The following ACSF3 variants were observed in gnomAD, a reference collection of about 807,000 sequenced individuals.
ACSF3 encodes the protein acyl-CoA synthetase family member 3.
Under a neutral mutation model 53.2 loss-of-function variants are expected in ACSF3, and 78 were observed. The ratio of observed to expected loss-of-function variants is 1.47; its 90% CI spans 1.22 to 1.77. The LOEUF is 1.77. Among genes scored for constraint, ACSF3 ranks in the 40% most tolerant of loss-of-function variants. ACSF3 has a pLI of 0.00. For missense variants in ACSF3, 937 were observed against 771.1 expected (o/e 1.22, Z -2.55); for synonymous variants, 414 against 333.1 (o/e 1.24, Z -2.65).
chr16:89,111,827 A>G (rs1381829033), intron 4 of ACSF3, among the ~76,000 whole-genome samples: 4 of 151,978 alleles, frequency 2.6e-5, no homozygotes, highest in African/African-American at 9.7e-5. Flanking sequence ...GAGCCTGACC[A>G]CTCACGTCTC....
intron 10 of ACSF3, among the ~76,000 whole-genome samples, chr16:89,147,392 T>C (rs1298232476): frequency 3.6e-3 from 11 of 3,066 alleles, no homozygotes; most frequent in Admixed American, 0.014. Flanking sequence ...GAGGGAGGGG[T>C]CACAGAGTGA....
intron 7 of ACSF3, among the ~76,000 whole-genome samples, chr16:89,124,332 G>A (rs867416763): frequency 6.6e-6 from 1 of 152,094 alleles, no homozygotes; most frequent in African/African-American, 2.4e-5. Context: ...AGACCCGTTT[G>A]CACACTACAT....
intron 4 of ACSF3, among the ~76,000 whole-genome samples, chr16:89,111,259 T>A (rs1443201388): frequency 6.6e-6 from 1 of 152,254 alleles, no homozygotes; most frequent in Non-Finnish European, 1.5e-5. Context: ...TTTGAAAGAA[T>A]GATATTATTT....
At position 89,132,496 on chromosome 16, in the gene ACSF3, G is replaced by T. The variant is rs191066788; in HGVS notation, c.1240-640G>T. 1.9e-3 allele frequency among the ~76,000 whole-genome samples: 289 copies of T among 152,260 alleles called. 1 individual carries two copies. Among genetic ancestry groups the T allele is most frequent in the African/African-American group, 6.7e-3 (279 of 41,556 alleles). ...CAGCCTCCCTCCCGCCCTCTCCATGGTCACAATAGAAGAACAGTGAGGCTG... is the reference window on the plus strand; with the variant it reads ...CAGCCTCCCTCCCGCCCTCTCCATGTTCACAATAGAAGAACAGTGAGGCTG... On this transcript the variant is annotated intron_variant, in intron 7 of 10. Transcript: ENST00000614302.
chr16:89,143,197 C>T (rs1459869711), intron 8 of ACSF3, among the ~76,000 whole-genome samples: 2 of 151,898 alleles, frequency 1.3e-5, no homozygotes, highest in African/African-American at 2.4e-5. Flanking sequence ...TCCTCAGTGC[C>T]GTGCGTAGCT....
intron 6 of ACSF3, among the ~76,000 whole-genome samples, chr16:89,119,010 G>T (rs1284650696): frequency 3.3e-5 from 5 of 151,898 alleles, no homozygotes; most frequent in Admixed American, 6.5e-5. Context: ...CCTCCCTCGA[G>T]CTCTCACGGG....
At chr16:89,128,252 T>A (rs892255351) in intron 7 of ACSF3, among the ~76,000 whole-genome samples, 3 of 149,642 alleles carry the variant, frequency 2.0e-5, no homozygotes, top group Non-Finnish European at 4.4e-5. Flanking sequence ...TATATATATT[T>A]TTTTCTTTTT....
At chr16:89,097,249 C>T (rs1974734586) in intron 1 of ACSF3, among the ~76,000 whole-genome samples, 1 of 152,262 alleles carries the variant, frequency 6.6e-6, no homozygotes, top group Non-Finnish European at 1.5e-5. Context: ...TTGTGGTCTG[C>T]AGAAACCTTT....
chr16:89,155,611 C>T lies in ACSF3; in HGVS notation c.*1404C>T, dbSNP rs1023629100. ...CGGGAACAGTCAGAGGAAGGGGTCC[C>T]GCCCTCCCGCCAGAGGCCTGGACCC... On this transcript the variant is annotated 3_prime_UTR_variant, in exon 11 of 11. Coordinates refer to ENST00000614302, the MANE Select transcript of ACSF3 (RefSeq NM_001243279.3). 7 of 453,980 alleles carry T rather than the reference C, an allele frequency of 1.5e-5. No homozygotes were observed. The highest frequency in any genetic ancestry group is 6.9e-5 in the East Asian group (1 of 14,394). 28.1% of individuals were successfully genotyped at this position (453,980 alleles called of 1,614,324 possible).
intron 10 of ACSF3, among the ~76,000 whole-genome samples, chr16:89,146,734 A>G (rs1913036171): frequency 6.6e-6 from 1 of 151,824 alleles, no homozygotes; most frequent in Non-Finnish European, 1.5e-5. Context: ...TTTTGCCTTT[A>G]CCTTACCCAG....
At chr16:89,110,470 G>A (rs8044701) in intron 4 of ACSF3, among the ~76,000 whole-genome samples, 109,261 of 152,070 alleles carry the variant, frequency 0.72, 39,787 homozygotes, top group Admixed American at 0.79. Flanking sequence ...CCAGATATCT[G>A]TGCATTCGTT....
intron 6 of ACSF3, among the ~76,000 whole-genome samples, chr16:89,115,891 C>T (rs893594688): frequency 1.3e-5 from 2 of 152,160 alleles, no homozygotes; most frequent in Non-Finnish European, 2.9e-5. Context: ...ATTCGGGACC[C>T]AAGTGTCAGC....
chr16:89,103,799 C>T (rs959629074), intron 4 of ACSF3, among the ~76,000 whole-genome samples: 5 of 152,196 alleles, frequency 3.3e-5, no homozygotes, highest in Non-Finnish European at 5.9e-5. Context: ...TCCTCTGTAG[C>T]GTCTCCCTTG....
At chr16:89,136,626 A>G in intron 8 of ACSF3, 1 of 1,287,220 alleles carries the variant, frequency 7.8e-7, no homozygotes, top group Non-Finnish European at 1.0e-6. Flanking sequence ...ACAGCTGAGG[A>G]TGGCCGAGGC....
rs550756859 is a variant in ACSF3, at chr16:89,098,847, G to A, written c.-21+84G>A. ...TGTTTACTGAACAGAGTGTGGTTGA[G>A]GCAAAATGCTGAGATGAAACCTAAC... On this transcript the variant is annotated intron_variant, in intron 2 of 10. Transcript: ENST00000614302. 59 of 448,532 alleles carry A rather than the reference G, an allele frequency of 1.3e-4. No homozygotes were observed. The Middle Eastern group carries it at 2.1e-3, about 16-fold the overall frequency. 27.8% of individuals were successfully genotyped at this position (448,532 alleles called of 1,614,324 possible). A position where few individuals can be genotyped will look rare whatever the true frequency, so the allele number is the denominator to read the frequency against.
intron 7 of ACSF3, among the ~76,000 whole-genome samples, chr16:89,131,926 G>T (rs559972089): frequency 2.6e-5 from 4 of 152,266 alleles, no homozygotes; most frequent in African/African-American, 4.8e-5. Flanking sequence ...TTTCACCCCC[G>T]TGGGTGGCGT....
chr16:89,110,887 C>T (rs1976601702), intron 4 of ACSF3, among the ~76,000 whole-genome samples: 1 of 152,180 alleles, frequency 6.6e-6, no homozygotes. Context: ...ACTCTGGTCG[C>T]CTGTGTCTTT....
At chr16:89,112,399 C>T (rs1482952389) in intron 5 of ACSF3, among the ~76,000 whole-genome samples, 153 bp downstream of exon 5, 2 of 152,070 alleles carry the variant, frequency 1.3e-5, no homozygotes, top group African/African-American at 2.4e-5. Context: ...TCCGTCTCTA[C>T]CTCTCTAACT....
intron 6 of ACSF3, among the ~76,000 whole-genome samples, chr16:89,117,578 C>G (rs1014299367): frequency 2.6e-5 from 4 of 151,562 alleles, no homozygotes; most frequent in Non-Finnish European, 4.4e-5. Flanking sequence ...TCAGGAGCAG[C>G]CCAGGGACCA....
Sources: allele counts gnomAD v4.1 joint callset (sites outside exome capture counted in the v4.1 genomes callset), GRCh38; gene constraint gnomAD v4.1.1; transcripts MANE v1.5; gene names NCBI Gene and HGNC (gene_info 2026-07-23, HGNC 2026-07-21).